Variants in WDR93 observed in about 807,000 individuals in gnomAD.
The protein encoded by WDR93 is WD repeat-containing protein 93.
Under a neutral mutation model 82.9 loss-of-function variants are expected in WDR93, and 73 were observed. The ratio of observed to expected loss-of-function variants is 0.88; its 90% CI spans 0.73 to 1.07. The LOEUF (loss-of-function observed/expected upper bound fraction) is 1.07. Ranked by LOEUF, WDR93 falls within the 50% of genes least tolerant of loss-of-function variation. WDR93 has a pLI of 0.00. For synonymous variants in WDR93, 283 were observed against 300.1 expected, an observed-to-expected ratio of 0.94 and a Z score of 0.59; for missense variants, 738 against 826.0, an observed-to-expected ratio of 0.89 and a Z score of 1.31.
Position 89,743,368 on chromosome 15 carries a change from CAG to C in WDR93, c.2046_2047del (p.Asn683LeufsTer13). The C allele has an allele frequency of 6.2e-7, 1 of 1,614,156 alleles. No homozygotes were observed. Among genetic ancestry groups the C allele is most frequent in the Non-Finnish European group, 8.5e-7 (1 of 1,180,026 alleles). ...ARLQRYSLSL[Q>X]RENFKK Reference sequence around the variant, plus strand: ...GCTTCAGAGGTACTCCTTGTCGCTCCAGAGAGAGAACTTCAAGAAGTGAGGCT... The same window carrying C: ...GCTTCAGAGGTACTCCTTGTCGCTCCAGAGAGAACTTCAAGAAGTGAGGCT... On this transcript the variant is annotated frameshift_variant, in exon 17 of 17. Transcript: ENST00000268130. LOFTEE classifies it high-confidence loss of function.
chr15:89,730,202 G>A (rs891559795), intron 11 of WDR93, among the ~76,000 whole-genome samples: 1 of 152,034 alleles, frequency 6.6e-6, no homozygotes, highest in African/African-American at 2.4e-5. Flanking sequence ...GCATGCGCCT[G>A]TAATCTCAGC....
chr15:89,734,044 T>C (rs1308614861), intron 13 of WDR93, among the ~76,000 whole-genome samples: 3 of 152,068 alleles, frequency 2.0e-5, no homozygotes, highest in Non-Finnish European at 4.4e-5. Flanking sequence ...TGTGTGTGTG[T>C]AATAAAGAAT....
At chr15:89,729,275 G>T (rs935424564) in intron 10 of WDR93, among the ~76,000 whole-genome samples, 182 bp downstream of exon 10, 1 of 152,044 alleles carries the variant, frequency 6.6e-6, no homozygotes, top group African/African-American at 2.4e-5. Context: ...CTGAGCACAG[G>T]TTCTCTGATC....
At chr15:89,735,587 T>C in intron 14 of WDR93, 34 bp downstream of exon 14, 3 of 1,594,750 alleles carry the variant, frequency 1.9e-6, no homozygotes, top group Non-Finnish European at 2.6e-6. Flanking sequence ...AAATGCCCCA[T>C]GCCTCTCATT....
At chr15:89,737,444 G>C in intron 14 of WDR93, 129 bp from the exon 15 acceptor site, 1 of 1,277,382 alleles carries the variant, frequency 7.8e-7, no homozygotes, top group Non-Finnish European at 1.1e-6. Context: ...GATGGATCCA[G>C]AGGCTGGGGC....
intron 1 of WDR93, among the ~76,000 whole-genome samples, chr15:89,695,812 C>CTT (rs1965138823): frequency 1.1e-5 from 1 of 93,190 alleles, no homozygotes; most frequent in Non-Finnish European, 2.3e-5. Context: ...CTCATGCTGT[C>CTT]CTTTTTTTTT....
At chr15:89,741,986 T>TAG (rs1967713555) in intron 16 of WDR93, among the ~76,000 whole-genome samples, 1 of 152,150 alleles carries the variant, frequency 6.6e-6, no homozygotes, top group African/African-American at 2.4e-5. Flanking sequence ...CTCTTGACCT[T>TAG]GTGATCCACC....
chr15:89,690,507 G>A, upstream of WDR93: 1 of 1,178,668 alleles, frequency 8.5e-7, no homozygotes, highest in Non-Finnish European at 1.2e-6. Flanking sequence ...TTTTTCCCGG[G>A]TGCAGGGGAA....
intron 4 of WDR93, among the ~76,000 whole-genome samples, chr15:89,708,759 A>G (rs573787247): frequency 1.6e-4 from 24 of 152,246 alleles, no homozygotes; most frequent in Non-Finnish European, 2.8e-4. Flanking sequence ...CCCTAATTGC[A>G]TTCCTATGCA....
At position 89,726,775 on chromosome 15, in the gene WDR93, C is replaced by T. The variant is rs145994724; in HGVS notation, c.881-382C>T. Among the ~76,000 whole-genome samples, 6 of 152,290 alleles carry T rather than the reference C, an allele frequency of 3.9e-5. No homozygotes were observed. The East Asian group carries it at 1.2e-3, about 29-fold the overall frequency. On this transcript the variant is annotated intron_variant, in intron 8 of 16. Coordinates refer to ENST00000268130, the MANE Select transcript of WDR93 (RefSeq NM_020212.2). Reference sequence around the variant, plus strand: ...AGCAGTGGCTGAAAAGTGATGGTAACTGGCAGATCTGGGGCCTTCCTCAGC... The same window carrying T: ...AGCAGTGGCTGAAAAGTGATGGTAATTGGCAGATCTGGGGCCTTCCTCAGC...
intron 13 of WDR93, among the ~76,000 whole-genome samples, chr15:89,733,991 T>A (rs1204484866): frequency 6.6e-6 from 1 of 150,468 alleles, no homozygotes; most frequent in African/African-American, 2.5e-5. Flanking sequence ...TGAACCTGTA[T>A]AATGTGTGTG....
intron 6 of WDR93, 101 bp from the exon 7 acceptor site, chr15:89,716,792 GTTGCATGAATTCACTCAC>G (rs1966270384): frequency 2.9e-5 from 21 of 733,442 alleles, no homozygotes; most frequent in Non-Finnish European, 4.6e-6. Context: ...CTCCACATCT[GTTGCATGAATTCACTCAC>G]AAGAGTAATT....
At chr15:89,731,107 T>TCC (rs2141690222) in intron 11 of WDR93, among the ~76,000 whole-genome samples, 1 of 152,310 alleles carries the variant, frequency 6.6e-6, no homozygotes, top group South Asian at 2.1e-4. Context: ...CTGCCTCATC[T>TCC]ATAAAATGGG....
chr15:89,735,448 C>G (rs370919290), intron 13 of WDR93, 42 bp from the exon 14 acceptor site: 11 of 1,596,972 alleles, frequency 6.9e-6, no homozygotes, highest in Non-Finnish European at 6.9e-6. Flanking sequence ...AACTTTTAAA[C>G]TCTTAAAGTA....
chr15:89,700,559 G>GTTT (rs5814397), intron 1 of WDR93, among the ~76,000 whole-genome samples: 1 of 124,734 alleles, frequency 8.0e-6, no homozygotes, highest in Non-Finnish European at 1.7e-5. Flanking sequence ...AATATTGAGG[G>GTTT]TTTTTTTTTT....
chr15:89,712,887 G>A (rs1391236483), intron 5 of WDR93, among the ~76,000 whole-genome samples: 3 of 152,114 alleles, frequency 2.0e-5, no homozygotes, highest in Non-Finnish European at 4.4e-5. Flanking sequence ...CACTTTGGGA[G>A]GCCAAGGCAG....
intron 16 of WDR93, among the ~76,000 whole-genome samples, chr15:89,742,335 A>G (rs987634834): frequency 4.6e-5 from 7 of 152,018 alleles, no homozygotes; most frequent in African/African-American, 1.7e-4. Flanking sequence ...TTTCTCCCCC[A>G]GAGTACTCCT....
chr15:89,718,668 TA>T (rs1231225392), intron 7 of WDR93, among the ~76,000 whole-genome samples: 1 of 152,220 alleles, frequency 6.6e-6, no homozygotes, highest in Non-Finnish European at 1.5e-5. Flanking sequence ...TTTCACATTG[TA>T]CAAATAATAT....
intron 5 of WDR93, among the ~76,000 whole-genome samples, 174 bp from the exon 6 acceptor site, chr15:89,714,806 G>A (rs2141638011): frequency 6.6e-6 from 1 of 152,334 alleles, no homozygotes; most frequent in East Asian, 1.9e-4. Flanking sequence ...TGTGGGGCAT[G>A]AGGACTTGCA....
Sources: gnomAD v4.1 joint callset for allele counts (sites outside exome capture counted in the v4.1 genomes callset) on GRCh38, gnomAD v4.1.1 for gene constraint, MANE v1.5 for transcripts, NCBI Gene and HGNC (gene_info 2026-07-23, HGNC 2026-07-21) for gene names.